FLT4: variants seen among roughly 807,000 people sequenced by gnomAD.
FLT4 encodes vascular endothelial growth factor receptor 3.
Under a neutral mutation model 163.2 loss-of-function variants are expected in FLT4, and 30 were observed. The observed-to-expected ratio is 0.18, with a 90% CI of 0.14 to 0.25. FLT4 has a LOEUF of 0.25. Among genes scored for constraint, FLT4 ranks in the 10% least tolerant of loss-of-function variants. FLT4 has a pLI of 1.00. For synonymous variants in FLT4, 884 were observed against 789.5 expected (o/e 1.12, Z -2.01); for missense variants, 1,510 against 1,863.8 (o/e 0.81, Z 3.50).
rs1763052733 is a variant in FLT4, at chr5:180,620,612, C to T, written c.2403G>A (p.Arg801=). 1 of 1,609,240 alleles carries T rather than the reference C, an allele frequency of 6.2e-7. No individual in the cohort carries two copies. The highest frequency in any genetic ancestry group is 1.1e-5 in the South Asian group (1 of 90,976). Residue 801 remains arginine, a synonymous_variant, in exon 16 of 30, where the codon AGG becomes AGA. Transcript: ENST00000261937. The surrounding 1 kb of genome is among the most constrained non-coding windows in gnomAD (Gnocchi z 4.4). ...VLLLLIFCNM[R]RPAHADIKTG... ...AGGAGCGGGGAGGGACACTCACCCTCCTCATGTTACAGAAGATGAGGAGGA... is the reference window on the plus strand; with the variant it reads ...AGGAGCGGGGAGGGACACTCACCCTTCTCATGTTACAGAAGATGAGGAGGA...
intron 29 of FLT4, among the ~76,000 whole-genome samples, chr5:180,607,181 A>C (rs565325876): frequency 6.6e-6 from 1 of 152,340 alleles, no homozygotes; most frequent in Admixed American, 6.5e-5. Flanking sequence ...AAAATGGCCA[A>C]AACTGTTTTT....
At chr5:180,640,058 CG>C (rs1764987506) in intron 1 of FLT4, among the ~76,000 whole-genome samples, 1 of 152,206 alleles carries the variant, frequency 6.6e-6, no homozygotes, top group South Asian at 2.1e-4. Flanking sequence ...CCTCGGGCCA[CG>C]GGGCCTTGGC....
chr5:180,629,513 C>T (rs549590046), intron 6 of FLT4, 86 bp from the exon 7 acceptor site: 345 of 1,538,924 alleles, frequency 2.2e-4, no homozygotes, highest in Non-Finnish European at 2.8e-4. Context: ...GCCCAGCCAG[C>T]GGTGGCTCCG....
intron 25 of FLT4, 37 bp from the exon 26 acceptor site, chr5:180,612,648 C>T: frequency 1.2e-5 from 17 of 1,475,892 alleles, no homozygotes; most frequent in Non-Finnish European, 1.6e-5. Flanking sequence ...TGCATGCACC[C>T]CACCCCCGTC....
Position 180,620,629 on chromosome 5 carries a change from T to C in FLT4, c.2386A>G (p.Ile796Val). The C allele has an allele frequency of 1.2e-6, 2 of 1,611,324 alleles. No individual in the cohort carries two copies. Among genetic ancestry groups the C allele is most frequent in the Non-Finnish European group, 1.7e-6 (2 of 1,178,312 alleles). ...AVFFWVLLLL[I>V]FCNMRRPAHA... Reference sequence around the variant, plus strand: ...CTCACCCTCCTCATGTTACAGAAGATGAGGAGGAGGAGGACCCAGAAGAAG... The same window carrying C: ...CTCACCCTCCTCATGTTACAGAAGACGAGGAGGAGGAGGACCCAGAAGAAG... Residue 796 changes from isoleucine (I) to valine (V), a missense_variant, in exon 16 of 30, where the codon ATC (isoleucine) becomes GTC (valine). Around this residue, in one of 5 missense-constraint regions of FLT4, gnomAD observed 878 missense variants for 1,016.7 expected, o/e 0.86. Coordinates refer to ENST00000261937, the MANE Select transcript of FLT4 (RefSeq NM_182925.5). This position sits in a 1 kb window ranked among gnomAD's most constrained non-coding sequence, Gnocchi z 4.4.
intron 29 of FLT4, among the ~76,000 whole-genome samples, chr5:180,606,336 C>T (rs1370189536): frequency 6.6e-6 from 1 of 152,242 alleles, no homozygotes; most frequent in Non-Finnish European, 1.5e-5. Flanking sequence ...CCCAGTGCCT[C>T]GGGCTTGGCA....
intron 1 of FLT4, among the ~76,000 whole-genome samples, chr5:180,646,560 TG>T (rs769772752): frequency 4.6e-5 from 7 of 152,140 alleles, no homozygotes; most frequent in Non-Finnish European, 1.0e-4. Flanking sequence ...TAGCTGGAAG[TG>T]ACACTGCCTT....
chr5:180,602,700 G>C lies in FLT4; in HGVS notation c.*492C>G, dbSNP rs757173621. The C allele has an allele frequency of 6.7e-6, 3 of 449,820 alleles. No individual in the cohort carries two copies. Among genetic ancestry groups the C allele is most frequent in the East Asian group, 6.4e-5 (2 of 31,116 alleles). The allele number at this position is 449,820 out of a possible 1,614,324, so 27.9% of individuals were successfully genotyped here. Reference sequence around the variant, plus strand: ...AGCCCCTCCCTTCAACTGTGCAGGGGTGGGTGAGGCCAGCCAGCCCTCGTG... The same window carrying C: ...AGCCCCTCCCTTCAACTGTGCAGGGCTGGGTGAGGCCAGCCAGCCCTCGTG... On this transcript the variant is annotated 3_prime_UTR_variant, in exon 30 of 30. Transcript: ENST00000261937.
chr5:180,629,572 A>G, intron 6 of FLT4, 124 bp downstream of exon 6: 1 of 1,452,222 alleles, frequency 6.9e-7, no homozygotes, highest in African/African-American at 1.4e-5. Context: ...AACACTTGCC[A>G]CTCAGACCGG....
In FLT4 at chr5:180,601,599, G is replaced by A; in HGVS notation, c.*1593C>T. On this transcript the variant is annotated 3_prime_UTR_variant, in exon 30 of 30. Coordinates refer to ENST00000261937, the MANE Select transcript of FLT4 (RefSeq NM_182925.5). ...TCAGAACATGGTCTAGAAGGGCATA[G>A]TAGTTTTTTTCCCGGTACATGCGTG... is the stretch of plus-strand genomic sequence containing the variant. The A allele has an allele frequency of 4.3e-6, 1 of 233,286 alleles. No homozygotes were observed. Among genetic ancestry groups the A allele is most frequent in the Admixed American group, 5.6e-5 (1 of 17,792 alleles). The allele number at this position is 233,286 out of a possible 1,614,324, so 14.5% of individuals were successfully genotyped here.
intron 24 of FLT4, 94 bp downstream of exon 24, chr5:180,613,974 G>T: frequency 1.1e-6 from 1 of 886,550 alleles, no homozygotes; most frequent in Non-Finnish European, 1.9e-6. Flanking sequence ...CACACCTCCA[G>T]GTGCCCAGTC....
intron 8 of FLT4, among the ~76,000 whole-genome samples, chr5:180,628,267 T>C (rs993466143): frequency 6.6e-6 from 1 of 152,038 alleles, no homozygotes; most frequent in Non-Finnish European, 1.5e-5. Flanking sequence ...TTGTGAGGGG[T>C]GCCATGCCCC....
At chr5:180,617,219 G>A (rs34073857) in intron 21 of FLT4, among the ~76,000 whole-genome samples, 556 of 9,056 alleles carry the variant, frequency 0.061, 4 homozygotes, top group South Asian at 0.26. Flanking sequence ...GGACACCCAC[G>A]TCCTACTCCA....
rs1765648953 is a variant in FLT4 at position 180,649,579 on chromosome 5, G to GCCGCGGCTCGGGGCTGAAAGTGT, written c.-35_-34insACACTTTCAGCCCCGAGCCGCGG. On this transcript the variant is annotated 5_prime_UTR_variant, in exon 1 of 30. Coordinates refer to ENST00000261937, the MANE Select transcript of FLT4 (RefSeq NM_182925.5). Reference sequence around the variant, plus strand: ...GCTGCGCGTGGGTCCGACCCGAGCGGCCGCGGCTCGGGGCTGAAAGTGTCC... The same window carrying GCCGCGGCTCGGGGCTGAAAGTGT: ...GCTGCGCGTGGGTCCGACCCGAGCGGCCGCGGCTCGGGGCTGAAAGTGTCCGCGGCTCGGGGCTGAAAGTGTCC... 1 of 1,348,388 alleles carries GCCGCGGCTCGGGGCTGAAAGTGT rather than the reference G, an allele frequency of 7.4e-7. No individual in the cohort carries two copies. Among genetic ancestry groups the GCCGCGGCTCGGGGCTGAAAGTGT allele is most frequent in the Non-Finnish European group, 9.6e-7 (1 of 1,043,652 alleles). The allele number at this position is 1,348,388 out of a possible 1,614,324, so 83.5% of individuals were successfully genotyped here. A position where few individuals can be genotyped will look rare whatever the true frequency, so the allele number is the denominator to read the frequency against.
rs762218682 is a variant in FLT4, at chr5:180,608,190, G to A, written c.3893+778C>T. ...AAGTTTGTAGTAGATAGCAGTAGAA[G>A]AAATAGCGAAAGTCTTAAAGTCTTT... On this transcript the variant is annotated intron_variant, in intron 29 of 29. Coordinates refer to ENST00000261937, the MANE Select transcript of FLT4 (RefSeq NM_182925.5). The A allele has an allele frequency of 6.3e-5, 44 of 700,480 alleles. No homozygotes were observed. The Middle Eastern group carries it at 1.4e-3, about 23-fold the overall frequency. The allele number at this position is 700,480 out of a possible 1,614,324, so 43.4% of individuals were successfully genotyped here. A position where few individuals can be genotyped will look rare whatever the true frequency, so the allele number is the denominator to read the frequency against.
intron 21 of FLT4, 86 bp downstream of exon 21, chr5:180,618,684 C>G (rs1467125805): frequency 6.9e-7 from 1 of 1,459,182 alleles, no homozygotes; most frequent in African/African-American, 1.5e-5. Context: ...AAAGCCCCCG[C>G]TGAGGACCCC....
intron 24 of FLT4, 100 bp from the exon 25 acceptor site, chr5:180,613,210 C>T (rs1186235518): frequency 2.2e-5 from 17 of 779,446 alleles, no homozygotes; most frequent in East Asian, 2.6e-5. Flanking sequence ...CAAGTCACCC[C>T]GTCCTGTCCC....
Position 180,603,165 on chromosome 5 carries a change from A to G in FLT4, c.*27T>C, listed in dbSNP as rs753977164. 2.5e-6 allele frequency: 4 copies of G among 1,610,604 alleles called. No individual in the cohort carries two copies. Among genetic ancestry groups the G allele is most frequent in the African/African-American group, 1.3e-5 (1 of 74,898 alleles). On this transcript the variant is annotated 3_prime_UTR_variant, in exon 30 of 30. Transcript: ENST00000261937. ...CCGCCCTGCCGGGCCTGAACCCCCA[A>G]GTGCTGGGGGTCTTGTCCGATGCTG...
chr5:180,612,969 G>A (rs753754010), intron 25 of FLT4, 42 bp downstream of exon 25: 5 of 1,506,536 alleles, frequency 3.3e-6, no homozygotes, highest in Non-Finnish European at 4.6e-6. Context: ...CGCCCCCGAC[G>A]CTTGCTGTCC....
Sources: allele counts gnomAD v4.1 joint callset (sites outside exome capture counted in the v4.1 genomes callset), GRCh38; gene constraint gnomAD v4.1.1; regional missense constraint gnomAD v4.1.1; non-coding constraint Gnocchi (gnomAD v3.1); transcripts MANE v1.5; gene names NCBI Gene and HGNC (gene_info 2026-07-23, HGNC 2026-07-21).